The following SCARA5 variants were observed in gnomAD, a reference collection of about 807,000 sequenced individuals.
SCARA5 encodes the protein scavenger receptor class A member 5.
In SCARA5, 45 loss-of-function variants were observed where a neutral mutation model predicts 46.3. The observed-to-expected ratio is 0.97, with a 90% confidence interval of 0.76 to 1.24. The LOEUF (loss-of-function observed/expected upper bound fraction) is 1.24. SCARA5 is among the 50% of genes most tolerant of loss of function. The pLI is 0.00. For synonymous variants in SCARA5, 333 were observed against 306.5 expected, an observed-to-expected ratio of 1.09 and a Z score of -0.90; for missense variants, 680 against 689.0, an observed-to-expected ratio of 0.99 and a Z score of 0.15.
At chr8:27,905,194 C>T (rs1425689305) in intron 6 of SCARA5, among the ~76,000 whole-genome samples, 1 of 151,580 alleles carries the variant, frequency 6.6e-6, no homozygotes, top group Non-Finnish European at 1.5e-5. Context: ...GGAGAGGGGG[C>T]TTTAGTTAAA....
chr8:27,942,412 C>A (rs1183324881), intron 3 of SCARA5, among the ~76,000 whole-genome samples: 1 of 152,140 alleles, frequency 6.6e-6, no homozygotes, highest in African/African-American at 2.4e-5. Context: ...ACTTTCCAAC[C>A]ACCACCACCA....
At position 27,910,535 on chromosome 8, in the gene SCARA5, T is replaced by C. The variant is rs188080082; in HGVS notation, c.917-792A>G. Among the ~76,000 whole-genome samples the C allele has an allele frequency of 2.6e-5, 4 of 151,918 alleles. No individual in the cohort carries two copies. In the East Asian group the frequency reaches 7.8e-4, roughly 29 times the overall value. ...CTGAGGGCACCAGAGGCCACAGAGG[T>C]GCCTGAGAGAAGAGCTCAACCAGAT... On this transcript the variant is annotated intron_variant, in intron 4 of 8. Transcript: ENST00000354914.
intron 3 of SCARA5, among the ~76,000 whole-genome samples, chr8:27,922,912 G>C (rs1264078907): frequency 6.6e-6 from 1 of 152,150 alleles, no homozygotes; most frequent in East Asian, 1.9e-4. Flanking sequence ...CACATAGAAG[G>C]CACCATCCAT....
intron 2 of SCARA5, among the ~76,000 whole-genome samples, chr8:27,975,514 G>A (rs202218210): frequency 6.6e-6 from 1 of 151,734 alleles, no homozygotes; most frequent in Non-Finnish European, 1.5e-5. Context: ...CAACCTGTGG[G>A]AATCCAAGGC....
chr8:27,979,456 AG>A (rs1331105979), intron 2 of SCARA5, among the ~76,000 whole-genome samples: 4 of 152,124 alleles, frequency 2.6e-5, no homozygotes, highest in African/African-American at 9.6e-5. Context: ...TTCTTAGAGG[AG>A]GGGAAGATGA....
chr8:27,879,356 G>A (rs1806772174), intron 8 of SCARA5, among the ~76,000 whole-genome samples: 1 of 152,126 alleles, frequency 6.6e-6, no homozygotes, highest in African/African-American at 2.4e-5. Flanking sequence ...TTAGATCCAC[G>A]AAAGGAAGAA....
chr8:27,991,266 C>T (rs932784032), intron 1 of SCARA5, among the ~76,000 whole-genome samples: 114 of 152,342 alleles, frequency 7.5e-4, no homozygotes, highest in African/African-American at 2.5e-3. Context: ...ATGCATGTGG[C>T]ATGACTTTAT....
intron 3 of SCARA5, among the ~76,000 whole-genome samples, chr8:27,941,800 CATTATTATTATTATT>C (rs71536304): frequency 1.8e-4 from 25 of 135,310 alleles, no homozygotes; most frequent in Admixed American, 1.6e-3. Context: ...TTTACATCAT[CATTATTATTATTATT>C]ATTATTATTA....
chr8:27,874,572 G>A (rs1806693693), intron 8 of SCARA5, among the ~76,000 whole-genome samples: 1 of 152,222 alleles, frequency 6.6e-6, no homozygotes, highest in Admixed American at 6.5e-5. Context: ...GAGTAGCTGT[G>A]ACAGAGACCA....
Position 27,918,653 on chromosome 8 carries a change from A to AAGG in SCARA5, c.916+2915_916+2917dup, listed in dbSNP as rs140132210. ...GGAGGAGGAAGATGAGGAGGAGGAAAAGGAAGATGAGGAGGAAAAGGAAGA... is the reference window on the plus strand; with the variant it reads ...GGAGGAGGAAGATGAGGAGGAGGAAAAGGAGGAAGATGAGGAGGAAAAGGAAGA... On this transcript the variant is annotated intron_variant, in intron 4 of 8. Transcript: ENST00000354914. Among the ~76,000 whole-genome samples, 22 of 2,438 alleles carry AAGG rather than the reference A, an allele frequency of 9.0e-3. 2 individuals are homozygous for AAGG. Among genetic ancestry groups the AAGG allele is most frequent in the Non-Finnish European group, 0.033 (20 of 604 alleles). 1.6% of individuals were successfully genotyped at this position (2,438 alleles called of 152,430 possible). A position where few individuals can be genotyped will look rare whatever the true frequency, so the allele number is the denominator to read the frequency against.
Position 27,896,629 on chromosome 8 carries a change from T to C in SCARA5, c.1153+8149A>G, listed in dbSNP as rs542488032. Among the ~76,000 whole-genome samples, 6 of 152,198 alleles carry C rather than the reference T, an allele frequency of 3.9e-5. No individual in the cohort carries two copies. In the East Asian group the frequency reaches 9.7e-4, roughly 25 times the overall value. ...AACTCAATACAACCCCTGAGGATCATGGTGGGGGACCCAGGCACCATGACA... is the reference window on the plus strand; with the variant it reads ...AACTCAATACAACCCCTGAGGATCACGGTGGGGGACCCAGGCACCATGACA... On this transcript the variant is annotated intron_variant, in intron 7 of 8. Transcript: ENST00000354914.
At chr8:27,941,859 C>T (rs1424291150) in intron 3 of SCARA5, among the ~76,000 whole-genome samples, 1 of 149,358 alleles carries the variant, frequency 6.7e-6, no homozygotes, top group Non-Finnish European at 1.5e-5. Flanking sequence ...CAGAATCTTA[C>T]TCTGTCACCC....
At chr8:27,925,475 A>G (rs1259866858) in intron 3 of SCARA5, among the ~76,000 whole-genome samples, 1 of 152,248 alleles carries the variant, frequency 6.6e-6, no homozygotes, top group Non-Finnish European at 1.5e-5. Flanking sequence ...TACACCTTAT[A>G]CAAAAATTAA....
At chr8:27,893,302 A>T (rs1392794598) in intron 7 of SCARA5, among the ~76,000 whole-genome samples, 1 of 152,012 alleles carries the variant, frequency 6.6e-6, no homozygotes, top group African/African-American at 2.4e-5. Context: ...TGCAAACTGG[A>T]TGTTATTTGT....
At chr8:27,899,737 G>A (rs923794815) in intron 7 of SCARA5, among the ~76,000 whole-genome samples, 1 of 152,190 alleles carries the variant, frequency 6.6e-6, no homozygotes, top group Admixed American at 6.5e-5. Context: ...TTGCCATGCT[G>A]TACTATTTGG....
chr8:27,917,168 C>G lies in SCARA5; in HGVS notation c.916+4403G>C, dbSNP rs377015867. Among the ~76,000 whole-genome samples, 7 of 152,288 alleles carry G rather than the reference C, an allele frequency of 4.6e-5. No homozygotes were observed. The East Asian group carries it at 1.2e-3, about 25-fold the overall frequency. On this transcript the variant is annotated intron_variant, in intron 4 of 8. Coordinates refer to ENST00000354914, the MANE Select transcript of SCARA5 (RefSeq NM_173833.6). Reference sequence around the variant, plus strand: ...AGTCTATGGCATTTTGTTATGGCAGCCTGAACAGATGGATACACCCATCAA... The same window carrying G: ...AGTCTATGGCATTTTGTTATGGCAGGCTGAACAGATGGATACACCCATCAA...
At chr8:27,963,792 A>G (rs1330250922) in intron 3 of SCARA5, among the ~76,000 whole-genome samples, 1 of 152,142 alleles carries the variant, frequency 6.6e-6, no homozygotes, top group Non-Finnish European at 1.5e-5. Context: ...GGAAACAGTA[A>G]GAGTAAGCAT....
At position 27,912,173 on chromosome 8, in the gene SCARA5, A is replaced by G. The variant is rs570840046; in HGVS notation, c.917-2430T>C. On this transcript the variant is annotated intron_variant, in intron 4 of 8. Transcript: ENST00000354914. ...TGTTATGGCAGCCCCAGGAAATCGA[A>G]ACACACAGACCCACAGTCCAGCAGT... Among the ~76,000 whole-genome samples the G allele has an allele frequency of 1.7e-3, 259 of 152,312 alleles. 1 individual carries two copies. The highest frequency in any genetic ancestry group is 5.8e-3 in the African/African-American group (241 of 41,570).
At chr8:27,962,537 T>A (rs1463283682) in intron 3 of SCARA5, among the ~76,000 whole-genome samples, 1 of 152,228 alleles carries the variant, frequency 6.6e-6, no homozygotes, top group Non-Finnish European at 1.5e-5. Context: ...ATTCCCAAGA[T>A]GCGTGATAGA....
Sources: allele counts gnomAD v4.1 joint callset (sites outside exome capture counted in the v4.1 genomes callset), GRCh38; gene constraint gnomAD v4.1.1; transcripts MANE v1.5; gene names NCBI Gene and HGNC (gene_info 2026-07-23, HGNC 2026-07-21).